Variants in AXDND1 observed in about 807,000 individuals in gnomAD.
The protein encoded by AXDND1 is axonemal dynein light chain domain containing 1, also known as axonemal dynein light chain domain-containing protein 1.
In AXDND1, 110 loss-of-function variants were observed where a neutral mutation model predicts 137.5. The ratio of observed to expected loss-of-function variants is 0.80; its 90% CI spans 0.69 to 0.94. AXDND1 has a LOEUF of 0.94. Ranked by LOEUF, AXDND1 falls within the 40% of genes least tolerant of loss-of-function variation. The pLI is 0.00. For missense variants in AXDND1, 1,191 were observed against 1,169.8 expected (o/e 1.02, Z -0.26); for synonymous variants, 414 against 399.7 (o/e 1.04, Z -0.43).
intron 18 of AXDND1, among the ~76,000 whole-genome samples, chr1:179,487,995 CAAA>C (rs71114524): frequency 5.9e-5 from 6 of 101,506 alleles, no homozygotes; most frequent in South Asian, 2.7e-4. Flanking sequence ...GACCATGTCT[CAAA>C]AAAAAAAAAA....
At chr1:179,546,161 C>T (rs1009833461) in intron 25 of AXDND1, 10 of 152,142 alleles carry the variant, frequency 6.6e-5, no homozygotes, top group African/African-American at 2.4e-4. Context: ...TATGGATGAA[C>T]CAGGGATGTT....
intron 3 of AXDND1, 85 bp from the exon 4 acceptor site, chr1:179,369,890 A>T (rs1435889098): frequency 3.0e-6 from 3 of 1,010,080 alleles, no homozygotes; most frequent in Non-Finnish European, 4.5e-6. Flanking sequence ...TAATGTAAAT[A>T]CAGTACTTAC....
chr1:179,466,552 A>T (rs531438613), intron 16 of AXDND1, among the ~76,000 whole-genome samples: 1 of 152,226 alleles, frequency 6.6e-6, no homozygotes, highest in Admixed American at 6.5e-5. Flanking sequence ...AGAATTTATT[A>T]ACTTTTAGAG....
chr1:179,528,198 G>A (rs1670717797), intron 22 of AXDND1, 129 bp from the exon 23 acceptor site: 1 of 640,270 alleles, frequency 1.6e-6, no homozygotes, highest in Admixed American at 2.8e-5. Flanking sequence ...AAAAATTCTT[G>A]TTGTGTGATT....
At chr1:179,378,034 A>G (rs186226033) in intron 4 of AXDND1, among the ~76,000 whole-genome samples, 2 of 151,980 alleles carry the variant, frequency 1.3e-5, no homozygotes, top group Admixed American at 1.3e-4. Context: ...GCCAGACATG[A>G]TGGCACGTGC....
At chr1:179,370,293 A>G (rs1667916519) in intron 4 of AXDND1, among the ~76,000 whole-genome samples, 1 of 152,184 alleles carries the variant, frequency 6.6e-6, no homozygotes, top group Non-Finnish European at 1.5e-5. Flanking sequence ...CTGGCTTTAC[A>G]TATTTTTGGT....
At position 179,488,630 on chromosome 1, in the gene AXDND1, CTCTCCTTTCTTTCTTTCTT is replaced by C. The variant is rs1208512539; in HGVS notation, c.2092-2904_2092-2886del. 2.8e-3 allele frequency among the ~76,000 whole-genome samples: 170 copies of C among 60,136 alleles called. 8 individuals carry two copies. In the East Asian group the frequency reaches 0.029, roughly 10 times the overall value. The allele number at this position is 60,136 out of a possible 152,430, so 39.5% of individuals were successfully genotyped here. The stretch of plus-strand genomic sequence containing the variant: ...TTTCTTTCTTTCTTTCTCTCTCTCT[CTCTCCTTTCTTTCTTTCTT>C]TCTTTCTTTCTTTCTTTCTTTCTTT... On this transcript the variant is annotated intron_variant, in intron 18 of 25. Coordinates refer to ENST00000367618, the MANE Select transcript of AXDND1 (RefSeq NM_144696.6).
intron 2 of AXDND1, among the ~76,000 whole-genome samples, chr1:179,367,056 A>T (rs1273241719): frequency 1.3e-5 from 2 of 151,968 alleles, no homozygotes; most frequent in Non-Finnish European, 2.9e-5. Context: ...TCCCGTCTCT[A>T]CTAGAAATAC....
chr1:179,501,175 TCTC>T (rs1490679652), intron 20 of AXDND1, among the ~76,000 whole-genome samples: 2 of 152,114 alleles, frequency 1.3e-5, no homozygotes, highest in Non-Finnish European at 2.9e-5. Flanking sequence ...TGACAAACTG[TCTC>T]TAAAAGCTGT....
intron 20 of AXDND1, among the ~76,000 whole-genome samples, chr1:179,499,335 T>A (rs1667765674): frequency 7.0e-6 from 1 of 141,988 alleles, no homozygotes. Context: ...CAGTAATATA[T>A]TGTGATGTTT....
chr1:179,523,415 G>T (rs922526735), intron 21 of AXDND1, among the ~76,000 whole-genome samples: 1 of 152,082 alleles, frequency 6.6e-6, no homozygotes, highest in Non-Finnish European at 1.5e-5. Context: ...CATGTAATAT[G>T]TACAATTCAG....
Position 179,386,112 on chromosome 1 carries a change from C to G in AXDND1, c.863+753C>G, listed in dbSNP as rs375331513. On this transcript the variant is annotated intron_variant, in intron 9 of 25. Coordinates refer to ENST00000367618, the MANE Select transcript of AXDND1 (RefSeq NM_144696.6). ...TGTCGCCCAGGCTGGAGTGCAATGG[C>G]GCGATCTCGGCTCACTGCAACTTCT... is the stretch of plus-strand genomic sequence containing the variant. Among the ~76,000 whole-genome samples the G allele has an allele frequency of 3.7e-5, 5 of 134,510 alleles. No individual in the cohort carries two copies. In the East Asian group the frequency reaches 1.1e-3, roughly 31 times the overall value. 88.2% of individuals were successfully genotyped at this position (134,510 alleles called of 152,430 possible). A position where few individuals can be genotyped will look rare whatever the true frequency, so the allele number is the denominator to read the frequency against.
In AXDND1 at chr1:179,551,025, A is replaced by G. The variant is rs1572252422; in HGVS notation, c.3032-3487A>G. 8 of 897,100 alleles carry G rather than the reference A, an allele frequency of 8.9e-6. No homozygotes were observed. In the East Asian group the frequency reaches 1.3e-4, roughly 15 times the overall value. The allele number at this position is 897,100 out of a possible 1,614,324, so 55.6% of individuals were successfully genotyped here. ...CATTACATCATTTCACCGTCTTCTC[A>G]TGGATGGTGCATTGTGACTTCGTGC... is the stretch of plus-strand genomic sequence containing the variant. On this transcript the variant is annotated intron_variant, in intron 25 of 25. Transcript: ENST00000367618.
intron 24 of AXDND1, chr1:179,534,504 T>A: frequency 2.4e-6 from 1 of 414,250 alleles, no homozygotes; most frequent in Non-Finnish European, 4.1e-6. Flanking sequence ...TACTAAGAAG[T>A]GATAAATATA....
At chr1:179,387,399 A>G (rs1011239799) in intron 9 of AXDND1, among the ~76,000 whole-genome samples, 2 of 152,224 alleles carry the variant, frequency 1.3e-5, no homozygotes, top group African/African-American at 2.4e-5. Flanking sequence ...TAATGACCCC[A>G]TTCCTGCAAT....
chr1:179,411,125 G>T, intron 11 of AXDND1, 21 bp from the exon 12 acceptor site: 4 of 1,508,136 alleles, frequency 2.7e-6, no homozygotes, highest in Non-Finnish European at 3.6e-6. Context: ...AAATGAAGCT[G>T]TTTCTTAATT....
rs768062051 is a variant in AXDND1 at position 179,395,194 on chromosome 1, G to T, written c.1101G>T (p.Lys367Asn). The T allele has an allele frequency of 6.2e-7, 1 of 1,612,234 alleles. No homozygotes were observed. The highest frequency in any genetic ancestry group is 8.5e-7 in the Non-Finnish European group (1 of 1,179,388). The part of the protein sequence containing the change: ...DLAQALLNAE[K>N]NAKIVEEYHD... ...CACAAGCTCTTTTAAATGCGGAAAA[G>T]AATGCCAAGTGAGTTGCTTAAAGTT... Residue 367 changes from lysine (K) to asparagine (N), a missense_variant, in exon 11 of 26, where the codon AAG (lysine) becomes AAT (asparagine). Coordinates refer to ENST00000367618, the MANE Select transcript of AXDND1 (RefSeq NM_144696.6).
intron 20 of AXDND1, among the ~76,000 whole-genome samples, chr1:179,501,623 A>C (rs1402681545): frequency 6.6e-6 from 1 of 152,142 alleles, no homozygotes; most frequent in Admixed American, 6.6e-5. Flanking sequence ...GAGGCAGGAG[A>C]ATCGCTTGAA....
intron 11 of AXDND1, among the ~76,000 whole-genome samples, chr1:179,398,578 C>A (rs1212402640): frequency 1.3e-5 from 2 of 152,130 alleles, no homozygotes; most frequent in African/African-American, 4.8e-5. Context: ...GTGGAGGCAG[C>A]ACAGCTGGAA....
Sources: allele counts gnomAD v4.1 joint callset (sites outside exome capture counted in the v4.1 genomes callset), GRCh38; gene constraint gnomAD v4.1.1; transcripts MANE v1.5; gene names NCBI Gene and HGNC (gene_info 2026-07-23, HGNC 2026-07-21).